Variants in CCDC7 observed in about 807,000 individuals in gnomAD.
CCDC7 encodes the protein coiled-coil domain-containing protein 7.
CCDC7 carries 183 observed loss-of-function variants against 196.9 expected under a neutral mutation model. That is an observed-to-expected ratio of 0.93 (90% confidence interval 0.82 to 1.05). The LOEUF is 1.05. Among genes scored for constraint, CCDC7 ranks in the 50% least tolerant of loss-of-function variants. The pLI is 0.00. For synonymous variants in CCDC7, 525 were observed against 484.6 expected, an observed-to-expected ratio of 1.08 and a Z score of -1.10; for missense variants, 1,540 against 1,482.2, an observed-to-expected ratio of 1.04 and a Z score of -0.64.
chr10:32,873,209 C>G (rs1053862349), intron 41 of CCDC7, among the ~76,000 whole-genome samples: 6 of 152,026 alleles, frequency 3.9e-5, no homozygotes, highest in Non-Finnish European at 8.8e-5. Flanking sequence ...TCACATAGTC[C>G]CATATTTCTT....
rs531928922 is a variant in CCDC7, at chr10:32,783,486, C to T, written c.3013+4402C>T. 2.0e-5 allele frequency among the ~76,000 whole-genome samples: 3 copies of T among 152,284 alleles called. No homozygotes were observed. The East Asian group carries it at 5.8e-4, about 29-fold the overall frequency. ...ACTTCATAGCCATTAAGATGACTCT[C>T]ATTATAAAAACAGAAAATAAGGAAT... On this transcript the variant is annotated intron_variant, in intron 29 of 41. Transcript: ENST00000639629.
chr10:32,565,632 C>A lies in CCDC7; in HGVS notation c.1197+12C>A. The A allele has an allele frequency of 6.2e-7, 1 of 1,604,176 alleles. No individual in the cohort carries two copies. The highest frequency in any genetic ancestry group is 1.1e-5 in the South Asian group (1 of 89,242). ...AACAGGCTTTACAGGTAAAGGATGT[C>A]ATGTTTCTTTAACATTGTTAACAAG... is the stretch of plus-strand genomic sequence containing the variant. On this transcript the variant is annotated intron_variant, in intron 14 of 41. Coordinates refer to ENST00000639629, the Ensembl canonical transcript of CCDC7.
chr10:32,634,521 C>T (rs770997083), intron 19 of CCDC7, among the ~76,000 whole-genome samples, 157 bp downstream of exon 20: 4 of 152,038 alleles, frequency 2.6e-5, no homozygotes, highest in African/African-American at 2.4e-5. Flanking sequence ...CCCAGACTCC[C>T]GAGTAGCTGG....
At chr10:32,606,801 T>A (rs1017457195) in intron 18 of CCDC7, among the ~76,000 whole-genome samples, 14 of 152,146 alleles carry the variant, frequency 9.2e-5, no homozygotes, top group Admixed American at 5.2e-4. Context: ...AGAAGGAAAT[T>A]GGCTTGAGTC....
At chr10:32,656,481 A>G (rs2069894406) in intron 20 of CCDC7, among the ~76,000 whole-genome samples, 1 of 152,214 alleles carries the variant, frequency 6.6e-6, no homozygotes, top group Admixed American at 6.5e-5. Flanking sequence ...CAGAAGGGGA[A>G]GCAAACACAT....
At chr10:32,634,640 C>T (rs961166370) in intron 19 of CCDC7, among the ~76,000 whole-genome samples, 1 of 152,112 alleles carries the variant, frequency 6.6e-6, no homozygotes, top group African/African-American at 2.4e-5. Flanking sequence ...CGTGATCCAC[C>T]CACCTTGGCC....
intron 20 of CCDC7, among the ~76,000 whole-genome samples, chr10:32,650,311 G>A (rs1459518919): frequency 2.6e-5 from 4 of 152,152 alleles, no homozygotes; most frequent in South Asian, 2.1e-4. Context: ...GTTGCCATAC[G>A]GTAGATGGTG....
chr10:32,675,549 C>T (rs888539622), intron 21 of CCDC7: 1 of 152,082 alleles, frequency 6.6e-6, no homozygotes, highest in African/African-American at 2.4e-5. Flanking sequence ...GATTCATGTA[C>T]CACTATTACA....
chr10:32,876,991 T>G (rs1331202398), downstream of CCDC7: 2 of 152,106 alleles, frequency 1.3e-5, no homozygotes, highest in Admixed American at 1.3e-4. Context: ...AATATTCTTT[T>G]ATGCCTTAAA....
At position 32,821,056 on chromosome 10, in the gene CCDC7, C is replaced by T. The variant is rs539778497; in HGVS notation, c.3182-3462C>T. ...CCTACAGAATGGGAGAAAATTTTTA[C>T]AATCTACCCATCTGACAAAGGGCTA... On this transcript the variant is annotated intron_variant, in intron 31 of 41. Transcript: ENST00000639629. Among the ~76,000 whole-genome samples, 3 of 152,304 alleles carry T rather than the reference C, an allele frequency of 2.0e-5. No individual in the cohort carries two copies. In the South Asian group the frequency reaches 6.2e-4, roughly 32 times the overall value.
chr10:32,547,093 A>G (rs1465465766), intron 13 of CCDC7, among the ~76,000 whole-genome samples: 3 of 151,840 alleles, frequency 2.0e-5, no homozygotes, highest in Admixed American at 6.6e-5. Context: ...ACCCTAGCTC[A>G]CTACAGCCTG....
At chr10:32,537,500 G>C (rs1374509147) in intron 11 of CCDC7, among the ~76,000 whole-genome samples, 1 of 151,500 alleles carries the variant, frequency 6.6e-6, no homozygotes, top group Non-Finnish European at 1.5e-5. Context: ...TCTTTAGTTT[G>C]GATCTCATTT....
intron 28 of CCDC7, among the ~76,000 whole-genome samples, chr10:32,750,927 T>C (rs1314469637): frequency 6.6e-6 from 1 of 152,198 alleles, no homozygotes; most frequent in Non-Finnish European, 1.5e-5. Context: ...CAACATTCAT[T>C]GTTCAGCATC....
At position 32,584,220 on chromosome 10, in the gene CCDC7, T is replaced by G; in HGVS notation, c.1729-12T>G. 4 of 1,517,114 alleles carry G rather than the reference T, an allele frequency of 2.6e-6. No individual in the cohort carries two copies. The highest frequency in any genetic ancestry group is 3.6e-6 in the Non-Finnish European group (4 of 1,118,052). 94.0% of individuals were successfully genotyped at this position (1,517,114 alleles called of 1,614,324 possible). A position where few individuals can be genotyped will look rare whatever the true frequency, so the allele number is the denominator to read the frequency against. On this transcript the variant is annotated splice_polypyrimidine_tract_variant and intron_variant, in intron 17 of 41. Coordinates refer to ENST00000639629, the Ensembl canonical transcript of CCDC7. ...TAATTTCTAATTACTTATTACAACT[T>G]TTGTTATTAAGGCTGATGTTTCAGA...
chr10:32,511,823 C>CTGGTG, intron 9 of CCDC7: 2 of 901,822 alleles, frequency 2.2e-6, no homozygotes, highest in Non-Finnish European at 3.6e-6. Context: ...CAGCTCTGCC[C>CTGGTG]GCGCCACCAG....
intron 8 of CCDC7, among the ~76,000 whole-genome samples, chr10:32,478,793 G>A (rs1469055257): frequency 6.6e-6 from 1 of 152,012 alleles, no homozygotes; most frequent in Non-Finnish European, 1.5e-5. Flanking sequence ...GTCCGGCTTT[G>A]GTATTGGAGT....
chr10:32,638,774 T>C (rs1239475230), intron 20 of CCDC7, among the ~76,000 whole-genome samples: 1 of 152,232 alleles, frequency 6.6e-6, no homozygotes, highest in Non-Finnish European at 1.5e-5. Context: ...TCCCTCTTTT[T>C]CTATTGATTG....
chr10:32,487,724 G>T (rs992118505), intron 8 of CCDC7, among the ~76,000 whole-genome samples: 1 of 152,200 alleles, frequency 6.6e-6, no homozygotes, highest in Admixed American at 6.5e-5. Flanking sequence ...TCAGCTGCAG[G>T]TCTGTTGGAG....
intron 8 of CCDC7, among the ~76,000 whole-genome samples, chr10:32,483,437 C>T (rs545601014): frequency 2.0e-5 from 3 of 152,224 alleles, no homozygotes; most frequent in East Asian, 1.9e-4. Context: ...TTCTCCCATT[C>T]TGTAGGTTGC....
Sources: allele counts gnomAD v4.1 joint callset (sites outside exome capture counted in the v4.1 genomes callset), GRCh38; gene constraint gnomAD v4.1.1; transcripts MANE v1.5; gene names NCBI Gene and HGNC (gene_info 2026-07-23, HGNC 2026-07-21).